ZRANB3: variants seen among roughly 807,000 people sequenced by gnomAD.
The protein encoded by ZRANB3 is DNA annealing helicase and endonuclease ZRANB3.
A neutral mutation model predicts 133.8 loss-of-function variants in ZRANB3; 125 were observed. The ratio of observed to expected loss-of-function variants is 0.93; its 90% confidence interval spans 0.81 to 1.08. The LOEUF (loss-of-function observed/expected upper bound fraction) is 1.08, where lower values mean the gene tolerates loss of function less well. Among genes scored for constraint, ZRANB3 ranks in the 50% least tolerant of loss-of-function variants. The probability of loss-of-function intolerance (pLI) is 0.00; values close to 1 mark genes in which losing one functional copy is unlikely to be tolerated. For synonymous variants in ZRANB3, 387 were observed against 432.7 expected (o/e 0.89, Z 1.31); for missense variants, 1,229 against 1,275.5 (o/e 0.96, Z 0.56).
At chr2:135,456,762 G>C (rs1205276382) in intron 2 of ZRANB3, among the ~76,000 whole-genome samples, 1 of 152,016 alleles carries the variant, frequency 6.6e-6, no homozygotes, top group Non-Finnish European at 1.5e-5. Flanking sequence ...CAGGATTGGG[G>C]AACAGTCTAT....
chr2:135,296,081 T>G (rs1477359772), intron 8 of ZRANB3, among the ~76,000 whole-genome samples: 1 of 152,188 alleles, frequency 6.6e-6, no homozygotes, highest in Admixed American at 6.5e-5. Flanking sequence ...TCGAGGAGCA[T>G]CTTTGTGGCG....
chr2:135,498,779 G>C (rs534056174), intron 2 of ZRANB3, among the ~76,000 whole-genome samples: 2 of 152,090 alleles, frequency 1.3e-5, no homozygotes, highest in Admixed American at 6.6e-5. Context: ...ATCTTTTTAC[G>C]GTTGTAGATA....
intron 6 of ZRANB3, among the ~76,000 whole-genome samples, chr2:135,340,627 T>G (rs1038798627): frequency 2.6e-5 from 4 of 152,022 alleles, no homozygotes; most frequent in African/African-American, 9.7e-5. Context: ...AGGCAGATCA[T>G]GAGGTCAGGA....
chr2:135,481,224 C>T (rs1220054518), intron 2 of ZRANB3, among the ~76,000 whole-genome samples: 2 of 151,008 alleles, frequency 1.3e-5, no homozygotes, highest in African/African-American at 4.9e-5. Context: ...AGTTTACAGT[C>T]CCACCAACAG....
intron 3 of ZRANB3, among the ~76,000 whole-genome samples, chr2:135,366,835 A>G (rs764696381): frequency 5.3e-5 from 8 of 151,940 alleles, no homozygotes; most frequent in Non-Finnish European, 5.9e-5. Context: ...TGTCTAACAC[A>G]GTGAAACCTC....
chr2:135,217,319 G>T, intron 17 of ZRANB3, 146 bp downstream of exon 17: 1 of 790,424 alleles, frequency 1.3e-6, no homozygotes, highest in Non-Finnish European at 1.9e-6. Flanking sequence ...ATCTTGTTAT[G>T]AAACAATATG....
rs1209468479 is a variant in ZRANB3 at position 135,302,560 on chromosome 2, C to T, written c.966+10929G>A. Reference sequence around the variant, plus strand: ...TTTTTTTTGAGATGGGAGTCTCGCTCTGTCACCCAGGTTGGAGTGCAGTGG... The same window carrying T: ...TTTTTTTTGAGATGGGAGTCTCGCTTTGTCACCCAGGTTGGAGTGCAGTGG... On this transcript the variant is annotated intron_variant, in intron 8 of 20. Coordinates refer to ENST00000264159, the MANE Select transcript of ZRANB3 (RefSeq NM_032143.4). Among the ~76,000 whole-genome samples the T allele has an allele frequency of 2.0e-5, 3 of 149,912 alleles. No individual in the cohort carries two copies. The South Asian group carries it at 6.3e-4, about 31-fold the overall frequency.
chr2:135,236,558 C>A (rs1037943235), intron 12 of ZRANB3, among the ~76,000 whole-genome samples: 4 of 152,152 alleles, frequency 2.6e-5, no homozygotes, highest in African/African-American at 4.8e-5. Context: ...GCTACAGTAA[C>A]CAAAACAGCA....
intron 6 of ZRANB3, among the ~76,000 whole-genome samples, chr2:135,316,706 G>A (rs999308325): frequency 3.9e-5 from 6 of 152,102 alleles, no homozygotes; most frequent in African/African-American, 9.6e-5. Context: ...GGTGGCTCAC[G>A]CCCGTAATCC....
intron 8 of ZRANB3, among the ~76,000 whole-genome samples, chr2:135,295,685 C>G (rs1196565078): frequency 6.6e-6 from 1 of 152,152 alleles, no homozygotes; most frequent in Non-Finnish European, 1.5e-5. Flanking sequence ...ATGGTCTTTA[C>G]AATTTGGCAT....
chr2:135,378,513 A>C (rs1275338725), intron 3 of ZRANB3, among the ~76,000 whole-genome samples: 1 of 151,760 alleles, frequency 6.6e-6, no homozygotes, highest in African/African-American at 2.4e-5. Flanking sequence ...CAAAACAAAA[A>C]CGTAAAACAC....
intron 15 of ZRANB3, among the ~76,000 whole-genome samples, chr2:135,219,919 TG>T (rs1694466829): frequency 1.3e-5 from 2 of 152,152 alleles, no homozygotes; most frequent in South Asian, 4.2e-4. Context: ...TCACCCAGGC[TG>T]GGGTGCGGCA....
At chr2:135,520,010 C>A (rs189778894) in intron 1 of ZRANB3, among the ~76,000 whole-genome samples, 3 of 152,002 alleles carry the variant, frequency 2.0e-5, no homozygotes, top group Non-Finnish European at 4.4e-5. Flanking sequence ...GTAAGGAATT[C>A]TCTGTCTTCA....
chr2:135,297,266 C>T (rs1454179425), intron 8 of ZRANB3, among the ~76,000 whole-genome samples: 1 of 152,230 alleles, frequency 6.6e-6, no homozygotes, highest in East Asian at 1.9e-4. Context: ...CTACTGAAGC[C>T]TTGGCAATGG....
At chr2:135,407,316 TA>T (rs960713853) in intron 2 of ZRANB3, among the ~76,000 whole-genome samples, 1 of 151,808 alleles carries the variant, frequency 6.6e-6, no homozygotes, top group African/African-American at 2.4e-5. Context: ...CTCAATGAAA[TA>T]AAAAAGGATA....
intron 2 of ZRANB3, among the ~76,000 whole-genome samples, chr2:135,406,343 C>G (rs1178218016): frequency 6.6e-6 from 1 of 151,872 alleles, no homozygotes; most frequent in Non-Finnish European, 1.5e-5. Context: ...GTTTACCAAC[C>G]AAAAAAAGCC....
At chr2:135,378,946 G>A (rs1317265438) in intron 3 of ZRANB3, among the ~76,000 whole-genome samples, 1 of 152,080 alleles carries the variant, frequency 6.6e-6, no homozygotes, top group East Asian at 1.9e-4. Context: ...TTCCTGGATG[G>A]AATCCTAGTT....
chr2:135,448,627 A>G (rs1437978858), intron 2 of ZRANB3, among the ~76,000 whole-genome samples: 1 of 152,228 alleles, frequency 6.6e-6, no homozygotes, highest in Non-Finnish European at 1.5e-5. Flanking sequence ...GAAGGAATTA[A>G]TGTATTAGTC....
intron 8 of ZRANB3, among the ~76,000 whole-genome samples, chr2:135,309,680 G>A (rs1472656801): frequency 6.6e-6 from 1 of 152,050 alleles, no homozygotes; most frequent in African/African-American, 2.4e-5. Flanking sequence ...CTAACAAAAT[G>A]TATTAAAAAA....
Sources: gnomAD v4.1 joint callset for allele counts (sites outside exome capture counted in the v4.1 genomes callset) on GRCh38, gnomAD v4.1.1 for gene constraint, MANE v1.5 for transcripts, NCBI Gene and HGNC (gene_info 2026-07-23, HGNC 2026-07-21) for gene names.